The following KCNH5 variants were observed in gnomAD, a reference collection of about 807,000 sequenced individuals.
The protein encoded by KCNH5 is voltage-gated delayed rectifier potassium channel KCNH5.
In KCNH5, 46 loss-of-function variants were observed where a neutral mutation model predicts 96.1. That is an observed-to-expected ratio of 0.48 (90% CI 0.38 to 0.61). The LOEUF is 0.61. KCNH5 is among the 20% of genes least tolerant of loss of function. KCNH5 has a pLI of 0.00. For synonymous variants in KCNH5, 439 were observed against 449.8 expected, an observed-to-expected ratio of 0.98 and a Z score of 0.30; for missense variants, 907 against 1,225.8, an observed-to-expected ratio of 0.74 and a Z score of 3.88.
At chr14:62,714,526 G>T (rs1458508280) in intron 10 of KCNH5, among the ~76,000 whole-genome samples, 1 of 152,070 alleles carries the variant, frequency 6.6e-6, no homozygotes, top group Non-Finnish European at 1.5e-5. Context: ...CTGGCAAATT[G>T]TAACTCAAAA....
chr14:62,848,895 G>T, intron 8 of KCNH5, among the ~76,000 whole-genome samples: 1 of 152,112 alleles, frequency 6.6e-6, no homozygotes, highest in East Asian at 1.9e-4. Context: ...GCTCAAGACT[G>T]GTTTCCTCTA....
intron 7 of KCNH5, among the ~76,000 whole-genome samples, chr14:62,891,545 C>G (rs1284046161): frequency 6.6e-6 from 1 of 151,860 alleles, no homozygotes; most frequent in Non-Finnish European, 1.5e-5. Flanking sequence ...TATGGACCCC[C>G]AAACCTAAAA....
intron 10 of KCNH5, among the ~76,000 whole-genome samples, chr14:62,767,877 T>C (rs574123847): frequency 1.2e-4 from 18 of 152,176 alleles, no homozygotes; most frequent in Non-Finnish European, 1.5e-4. Context: ...ATTCAGCCAT[T>C]ATAAACAATA....
chr14:62,948,462 G>T (rs1889936477), intron 7 of KCNH5, among the ~76,000 whole-genome samples: 1 of 152,060 alleles, frequency 6.6e-6, no homozygotes, highest in Non-Finnish European at 1.5e-5. Context: ...AAACCAGGAA[G>T]AAGTTGAATC....
intron 10 of KCNH5, among the ~76,000 whole-genome samples, chr14:62,756,188 A>G (rs1353027325): frequency 1.3e-5 from 2 of 152,170 alleles, no homozygotes; most frequent in Non-Finnish European, 2.9e-5. Context: ...AAATTAAGAA[A>G]GTAATCCTAT....
chr14:62,882,741 G>A (rs902291483), intron 7 of KCNH5, among the ~76,000 whole-genome samples: 1 of 152,132 alleles, frequency 6.6e-6, no homozygotes, highest in Admixed American at 6.5e-5. Context: ...TGCTTCTTGG[G>A]TAGATTTTAA....
chr14:62,707,785 G>C lies in KCNH5; in HGVS notation c.2690C>G (p.Pro897Arg). 1.2e-6 allele frequency: 2 copies of C among 1,614,120 alleles called. No individual in the cohort carries two copies. ...GGCCTGCTCGGGGATGGGATAAAAG[G>C]GGTGCTTGGCATCAGCCTGGATGGG... ...HSPIQADAKH[P>R]FYPIPEQALQ... The change falls in exon 11 of 11, where the codon CCC becomes CGC. Residue 897 changes from proline (P) to arginine (R), a missense_variant. This residue lies in a region of KCNH5 where 362 missense variants were observed against 394.4 expected (regional missense o/e 0.92). Coordinates refer to ENST00000322893, the MANE Select transcript of KCNH5 (RefSeq NM_139318.5).
intron 10 of KCNH5, among the ~76,000 whole-genome samples, chr14:62,766,012 CA>C (rs1454491312): frequency 1.3e-5 from 2 of 151,958 alleles, no homozygotes; most frequent in African/African-American, 4.8e-5. Context: ...TCTAATAATC[CA>C]ATCAAAAATG....
intron 7 of KCNH5, among the ~76,000 whole-genome samples, chr14:62,869,378 G>GT (rs1888203858): frequency 2.7e-5 from 4 of 148,144 alleles, no homozygotes; most frequent in Admixed American, 2.0e-4. Flanking sequence ...TTTTTGATGG[G>GT]GTTTTTTTTT....
At chr14:62,718,393 A>G (rs1046645668) in intron 10 of KCNH5, among the ~76,000 whole-genome samples, 28 of 152,246 alleles carry the variant, frequency 1.8e-4, no homozygotes, top group African/African-American at 6.5e-4. Flanking sequence ...TAATTTTAAA[A>G]TCATCAAAAA....
chr14:62,739,527 A>G (rs533865939), intron 10 of KCNH5, among the ~76,000 whole-genome samples: 1 of 152,212 alleles, frequency 6.6e-6, no homozygotes, highest in Admixed American at 6.5e-5. Flanking sequence ...GTAACATTTG[A>G]GTCATTTGAA....
At chr14:62,969,079 G>A (rs1465614883) in intron 6 of KCNH5, among the ~76,000 whole-genome samples, 3 of 152,014 alleles carry the variant, frequency 2.0e-5, no homozygotes, top group African/African-American at 7.2e-5. Flanking sequence ...GGTCACAATG[G>A]AATTAAATTA....
chr14:63,024,859 A>C (rs1049504717), intron 1 of KCNH5, among the ~76,000 whole-genome samples: 1 of 152,144 alleles, frequency 6.6e-6, no homozygotes, highest in African/African-American at 2.4e-5. Flanking sequence ...CCAAAAAATT[A>C]AAAAGGAGAG....
chr14:62,826,702 C>T (rs1471808750), intron 8 of KCNH5, among the ~76,000 whole-genome samples: 1 of 151,876 alleles, frequency 6.6e-6, no homozygotes, highest in African/African-American at 2.4e-5. Flanking sequence ...TTTTTCCTTA[C>T]TAATGATATC....
intron 6 of KCNH5, among the ~76,000 whole-genome samples, chr14:62,970,044 TAAAAAAAAAAAAAAA>T (rs373852520): frequency 6.6e-5 from 2 of 30,406 alleles, no homozygotes; most frequent in East Asian, 8.0e-4. Context: ...AGACTCCGTC[TAAAAAAAAAAAAAAA>T]AAAAAAAAAA....
At chr14:62,809,089 G>C (rs889272061) in intron 8 of KCNH5, among the ~76,000 whole-genome samples, 4 of 152,030 alleles carry the variant, frequency 2.6e-5, no homozygotes, top group African/African-American at 9.7e-5. Context: ...CTGAGCCTTT[G>C]TTTTGTTTTT....
chr14:62,928,773 C>T (rs749727374), intron 7 of KCNH5, among the ~76,000 whole-genome samples: 1 of 152,062 alleles, frequency 6.6e-6, no homozygotes, highest in South Asian at 2.1e-4. Flanking sequence ...TACCTCACTC[C>T]TAGATTTCTT....
At chr14:62,898,309 T>G (rs1301940335) in intron 7 of KCNH5, among the ~76,000 whole-genome samples, 1 of 152,194 alleles carries the variant, frequency 6.6e-6, no homozygotes, top group Non-Finnish European at 1.5e-5. Flanking sequence ...ATAGATTTTG[T>G]TTTAAAGCCT....
intron 6 of KCNH5, among the ~76,000 whole-genome samples, chr14:62,972,676 GA>G (rs562868564): frequency 9.5e-5 from 14 of 146,876 alleles, no homozygotes; most frequent in African/African-American, 1.7e-4. Flanking sequence ...ATTCAGCACA[GA>G]AAAAAAAAAT....
Sources: gnomAD v4.1 joint callset for allele counts (sites outside exome capture counted in the v4.1 genomes callset) on GRCh38, gnomAD v4.1.1 for gene constraint, gnomAD v4.1.1 regional missense constraint, MANE v1.5 for transcripts, NCBI Gene and HGNC (gene_info 2026-07-23, HGNC 2026-07-21) for gene names.